DMD: variants seen among roughly 807,000 people sequenced by gnomAD.
DMD encodes the protein mutant dystrophin.
Under a neutral mutation model 330.1 loss-of-function variants are expected in DMD, and 63 were observed. The observed-to-expected ratio is 0.19, with a 90% confidence interval of 0.16 to 0.24. The LOEUF (loss-of-function observed/expected upper bound fraction) is 0.24. Among genes scored for constraint, DMD ranks in the 10% least tolerant of loss-of-function variants. The probability of loss-of-function intolerance (pLI) is 1.00; values close to 1 mark genes in which losing one functional copy is unlikely to be tolerated. For missense variants in DMD, 3,344 were observed against 2,684.1 expected, an observed-to-expected ratio of 1.25 and a Z score of -5.43; for synonymous variants, 1,223 against 959.8, an observed-to-expected ratio of 1.27 and a Z score of -5.07.
intron 52 of DMD, among the ~76,000 whole-genome samples, chrX:31,718,702 G>T (rs1376614771): frequency 9.0e-6 from 1 of 111,355 alleles, no homozygotes; most frequent in Non-Finnish European, 1.9e-5. Context: ...CCATGATCTT[G>T]TACTTCTCAA....
chrX:32,544,831 G>A (rs1490388614), intron 17 of DMD, among the ~76,000 whole-genome samples: 1 of 107,914 alleles, frequency 9.3e-6, no homozygotes, highest in African/African-American at 3.4e-5. Flanking sequence ...TCAACAAGCA[G>A]GCCCTTTATA....
intron 44 of DMD, among the ~76,000 whole-genome samples, chrX:32,123,231 AT>A (rs1246368131): frequency 6.8e-5 from 6 of 88,518 alleles, no homozygotes; most frequent in Non-Finnish European, 1.1e-4. Context: ...ATATATATAT[AT>A]ATATATATAT....
chrX:32,396,668 T>C (rs768581458), intron 30 of DMD, among the ~76,000 whole-genome samples: 35 of 111,458 alleles, frequency 3.1e-4, no homozygotes, highest in African/African-American at 1.1e-3. Flanking sequence ...CTATCAAATA[T>C]ACTTAACATA....
chrX:31,687,931 T>C (rs2082799903), intron 52 of DMD, among the ~76,000 whole-genome samples: 1 of 111,267 alleles, frequency 9.0e-6, no homozygotes. Flanking sequence ...TCTTTCTCTG[T>C]TTCTGAAGTT....
At chrX:31,171,761 A>AC (rs2040021636) in intron 73 of DMD, among the ~76,000 whole-genome samples, 2 of 111,661 alleles carry the variant, frequency 1.8e-5, no homozygotes, top group Admixed American at 9.5e-5. Flanking sequence ...AAAGTTTAAC[A>AC]GGGTTGGCTT....
intron 44 of DMD, among the ~76,000 whole-genome samples, chrX:32,063,332 C>G (rs966913266): frequency 1.8e-5 from 2 of 110,481 alleles, no homozygotes; most frequent in African/African-American, 6.6e-5. Flanking sequence ...GAGTTTTGTC[C>G]CCCTCAACTG....
At chrX:31,448,791 G>A (rs1396462705) in intron 59 of DMD, among the ~76,000 whole-genome samples, 2 of 111,793 alleles carry the variant, frequency 1.8e-5, no homozygotes, top group Admixed American at 1.9e-4. Context: ...ATTATGACTA[G>A]TTTCTCACAG....
intron 11 of DMD, among the ~76,000 whole-genome samples, chrX:32,631,648 G>A (rs912491813): frequency 6.3e-5 from 7 of 111,475 alleles, no homozygotes; most frequent in East Asian, 2.8e-4. Context: ...GGCAAATTGC[G>A]AAGGAGGAGC....
chrX:33,204,129 C>G (rs1043329447), intron 1 of DMD, among the ~76,000 whole-genome samples: 1 of 112,143 alleles, frequency 8.9e-6, no homozygotes, highest in Non-Finnish European at 1.9e-5. Context: ...CAATCTCTTT[C>G]ACACAAAACA....
intron 1 of DMD, among the ~76,000 whole-genome samples, chrX:33,160,124 T>A (rs892110387): frequency 2.7e-5 from 3 of 112,036 alleles, no homozygotes; most frequent in African/African-American, 9.7e-5. Context: ...TTGAGTTAGA[T>A]AATTTTGCCC....
chrX:32,534,884 T>A (rs764229674), intron 17 of DMD, among the ~76,000 whole-genome samples: 1 of 111,143 alleles, frequency 9.0e-6, no homozygotes, highest in Admixed American at 9.6e-5. Context: ...CATTTTTATA[T>A]CTCTGTGGTA....
intron 34 of DMD, among the ~76,000 whole-genome samples, chrX:32,369,033 A>C (rs145806988): frequency 2.4e-4 from 27 of 111,667 alleles, no homozygotes; most frequent in African/African-American, 8.4e-4. Context: ...AGGTGAACGC[A>C]AACTATATAC....
chrX:32,978,684 G>T (rs926712256), intron 2 of DMD, among the ~76,000 whole-genome samples: 5 of 112,011 alleles, frequency 4.5e-5, no homozygotes, highest in Non-Finnish European at 9.4e-5. Flanking sequence ...GGCCAGGTTG[G>T]TCTCCAACTC....
At chrX:32,670,884 A>C (rs1216603387) in intron 9 of DMD, among the ~76,000 whole-genome samples, 1 of 111,672 alleles carries the variant, frequency 9.0e-6, no homozygotes, top group Non-Finnish European at 1.9e-5. Flanking sequence ...TGTGAATGCC[A>C]AAAGCATTGT....
intron 17 of DMD, among the ~76,000 whole-genome samples, chrX:32,543,989 T>G (rs2048731401): frequency 8.9e-6 from 1 of 112,340 alleles, no homozygotes; most frequent in Non-Finnish European, 1.9e-5. Flanking sequence ...TTTATGTAAT[T>G]TTGACATGTC....
chrX:32,406,797 A>G (rs970657406), intron 30 of DMD, among the ~76,000 whole-genome samples: 1 of 111,582 alleles, frequency 9.0e-6, no homozygotes, highest in Non-Finnish European at 1.9e-5. Context: ...ATGGAACAGA[A>G]CAAAGCCCTC....
intron 57 of DMD, among the ~76,000 whole-genome samples, chrX:31,490,024 T>A (rs751702818): frequency 8.9e-6 from 1 of 111,857 alleles, no homozygotes; most frequent in Non-Finnish European, 1.9e-5. Flanking sequence ...TTCAGAAGAC[T>A]TAGACTTAGT....
intron 44 of DMD, among the ~76,000 whole-genome samples, chrX:32,031,933 T>C (rs1346241855): frequency 1.8e-5 from 2 of 112,187 alleles, no homozygotes; most frequent in East Asian, 5.6e-4. Context: ...TTCAAGCTCA[T>C]GCAGAACTAT....
chrX:32,248,695 C>T (rs746339187), intron 43 of DMD, among the ~76,000 whole-genome samples: 16 of 110,383 alleles, frequency 1.4e-4, no homozygotes, highest in African/African-American at 4.3e-4. Flanking sequence ...CTAGTAACCA[C>T]GTAATTAATT....
Sources: allele counts gnomAD v4.1 joint callset (sites outside exome capture counted in the v4.1 genomes callset), GRCh38; gene constraint gnomAD v4.1.1; transcripts MANE v1.5; gene names NCBI Gene and HGNC (gene_info 2026-07-23, HGNC 2026-07-21).